Variants in KCNQ1 observed in about 807,000 individuals in gnomAD.
KCNQ1 encodes potassium voltage-gated channel subfamily KQT member 1.
In KCNQ1, 49 loss-of-function variants were observed where a neutral mutation model predicts 72.4. The observed-to-expected ratio is 0.68, with a 90% confidence interval of 0.54 to 0.86. The LOEUF (loss-of-function observed/expected upper bound fraction) is 0.86, where lower values mean the gene tolerates loss of function less well. Among genes scored for constraint, KCNQ1 ranks in the 40% least tolerant of loss-of-function variants. KCNQ1 has a pLI of 0.00. For missense variants in KCNQ1, 790 were observed against 945.1 expected, an observed-to-expected ratio of 0.84 and a Z score of 2.15; for synonymous variants, 450 against 412.6, an observed-to-expected ratio of 1.09 and a Z score of -1.10.
chr11:2,729,102 G>A (rs765395221), intron 11 of KCNQ1, among the ~76,000 whole-genome samples: 8 of 152,212 alleles, frequency 5.3e-5, no homozygotes, highest in African/African-American at 1.9e-4. Flanking sequence ...CACAAAGGGC[G>A]CTCGGGCCAG....
chr11:2,684,496 C>G (rs1036501233), intron 11 of KCNQ1: 2 of 398,562 alleles, frequency 5.0e-6, no homozygotes, highest in African/African-American at 2.1e-5. Context: ...AGTTCTCCTT[C>G]TATTCCTCCT....
rs1487702988 is a variant in KCNQ1, at chr11:2,508,456, T to TG, written c.387-19468dup. ...GCTCCCGAGGCCTGGCTGCTCTGCATGGGGAGGAGTGTGGGTCCTGAGTGG... is the reference window on the plus strand; with the variant it reads ...GCTCCCGAGGCCTGGCTGCTCTGCATGGGGGAGGAGTGTGGGTCCTGAGTGG... On this transcript the variant is annotated intron_variant, in intron 1 of 15. Coordinates refer to ENST00000155840, the MANE Select transcript of KCNQ1 (RefSeq NM_000218.3). The surrounding 1 kb of genome is among the most constrained non-coding windows in gnomAD (Gnocchi z 6.2). Among the ~76,000 whole-genome samples, 2 of 152,054 alleles carry TG rather than the reference T, an allele frequency of 1.3e-5. No homozygotes were observed. Among genetic ancestry groups the TG allele is most frequent in the East Asian group, 3.9e-4 (2 of 5,162 alleles).
intron 15 of KCNQ1, among the ~76,000 whole-genome samples, chr11:2,786,061 C>A (rs944258599): frequency 7.2e-5 from 11 of 151,934 alleles, no homozygotes; most frequent in Non-Finnish European, 1.6e-4. Context: ...TTTGTTATTT[C>A]TTTTTTATCT....
At chr11:2,639,180 A>C (rs1162093776) in intron 10 of KCNQ1, 1 of 151,946 alleles carries the variant, frequency 6.6e-6, no homozygotes, top group African/African-American at 2.4e-5. Context: ...TAGCTCGGAG[A>C]AGTTTGATTG....
At position 2,608,316 on chromosome 11, in the gene KCNQ1, C is replaced by T. The variant is rs1848914159; in HGVS notation, c.1393+19462C>T. On this transcript the variant is annotated intron_variant, in intron 10 of 15. Transcript: ENST00000155840. This position sits in a 1 kb window ranked among gnomAD's most constrained non-coding sequence, Gnocchi z 4.6. ...CTTATTACAGATCCATTCACATTTT[C>T]TACTTATTTCTTAGTCAGTTTTCAT... 5.0e-6 allele frequency: 2 copies of T among 398,266 alleles called. No individual in the cohort carries two copies. The highest frequency in any genetic ancestry group is 8.8e-6 in the Non-Finnish European group (2 of 226,002). The allele number at this position is 398,266 out of a possible 1,614,324, so 24.7% of individuals were successfully genotyped here.
chr11:2,449,773 G>T (rs1041725136), intron 1 of KCNQ1, among the ~76,000 whole-genome samples: 2 of 152,148 alleles, frequency 1.3e-5, no homozygotes, highest in African/African-American at 2.4e-5. Context: ...AAAGGCGTTG[G>T]GTGCCGAGAA....
intron 11 of KCNQ1, among the ~76,000 whole-genome samples, chr11:2,761,834 G>A (rs1010657958): frequency 2.0e-5 from 3 of 152,356 alleles, no homozygotes; most frequent in East Asian, 1.9e-4. Flanking sequence ...TTGCAGTCCC[G>A]GCCGGCTGTT....
chr11:2,652,229 AG>A lies in KCNQ1; in HGVS notation c.1394-9730del. 1 of 398,626 alleles carries A rather than the reference AG, an allele frequency of 2.5e-6. No homozygotes were observed. 24.7% of individuals were successfully genotyped at this position (398,626 alleles called of 1,614,324 possible). On this transcript the variant is annotated intron_variant, in intron 10 of 15. Transcript: ENST00000155840. This position sits in a 1 kb window ranked among gnomAD's most constrained non-coding sequence, Gnocchi z 5.9. ...GGCCTGGAGCCGGATGCTGAGAATG[AG>A]GCCTGCAACTCATTTCCCCATTAAA...
chr11:2,751,466 C>CCT (rs926993838), intron 11 of KCNQ1, among the ~76,000 whole-genome samples: 5 of 152,362 alleles, frequency 3.3e-5, no homozygotes, highest in African/African-American at 1.2e-4. Context: ...CCCAGGAAAC[C>CCT]CTCTCTCCTG....
At chr11:2,699,882 G>A (rs1456607234) in intron 11 of KCNQ1, 2 of 398,270 alleles carry the variant, frequency 5.0e-6, no homozygotes, top group Non-Finnish European at 8.9e-6. Context: ...AGGAGCCCCG[G>A]GGAGGACCAC....
rs148405336 is a variant in KCNQ1, at chr11:2,613,832, AG to A, written c.1393+24979del. 2.5e-3 allele frequency: 996 copies of A among 398,512 alleles called. 9 individuals are homozygous for A. Among genetic ancestry groups the A allele is most frequent in the African/African-American group, 0.019 (933 of 48,734 alleles). 24.7% of individuals were successfully genotyped at this position (398,512 alleles called of 1,614,324 possible). A position where few individuals can be genotyped will look rare whatever the true frequency, so the allele number is the denominator to read the frequency against. The stretch of plus-strand genomic sequence containing the variant: ...CTACCCATTATAGGTAACCAGTTTC[AG>A]TGTTTTCTAGTTTATAGTTTGTGTG... On this transcript the variant is annotated intron_variant, in intron 10 of 15. Transcript: ENST00000155840. The surrounding 1 kb of genome is among the most constrained non-coding windows in gnomAD (Gnocchi z 4.8).
chr11:2,622,566 G>A (rs1849192057), intron 10 of KCNQ1: 1 of 398,314 alleles, frequency 2.5e-6, no homozygotes, highest in South Asian at 1.3e-4. Context: ...TAAAAAAGAA[G>A]TTCTGACATT....
chr11:2,677,888 C>G lies in KCNQ1; in HGVS notation c.1514+15807C>G, dbSNP rs932082985. The stretch of plus-strand genomic sequence containing the variant: ...ACTGCACAAATGCACTTTCTTCCCC[C>G]ACCCTTACCAAGTGTATACTCAGGT... On this transcript the variant is annotated intron_variant, in intron 11 of 15. Transcript: ENST00000155840. This position sits in a 1 kb window ranked among gnomAD's most constrained non-coding sequence, Gnocchi z 4.5. 15 of 398,438 alleles carry G rather than the reference C, an allele frequency of 3.8e-5. No individual in the cohort carries two copies. Among genetic ancestry groups the G allele is most frequent in the South Asian group, 1.3e-4 (1 of 7,858 alleles). The allele number at this position is 398,438 out of a possible 1,614,324, so 24.7% of individuals were successfully genotyped here. A position where few individuals can be genotyped will look rare whatever the true frequency, so the allele number is the denominator to read the frequency against.
In KCNQ1 at chr11:2,492,061, C is replaced by T. The variant is rs1216259054; in HGVS notation, c.387-35867C>T. On this transcript the variant is annotated intron_variant, in intron 1 of 15. Transcript: ENST00000155840. This position sits in a 1 kb window ranked among gnomAD's most constrained non-coding sequence, Gnocchi z 4.1. ...AGGATGTCATCAACACCAGAGCTGT[C>T]TTACAAGAAATGCTAAAGGGAATTC... is the stretch of plus-strand genomic sequence containing the variant. Among the ~76,000 whole-genome samples the T allele has an allele frequency of 1.3e-5, 2 of 152,186 alleles. No homozygotes were observed. Among genetic ancestry groups the T allele is most frequent in the African/African-American group, 4.8e-5 (2 of 41,438 alleles).
intron 10 of KCNQ1, chr11:2,632,279 G>C: frequency 2.5e-6 from 1 of 397,910 alleles, no homozygotes; most frequent in East Asian, 3.6e-5. Flanking sequence ...TTTTTGTGGT[G>C]AGTTTTCAGG....
chr11:2,534,007 C>T (rs1264319074), intron 2 of KCNQ1, among the ~76,000 whole-genome samples: 1 of 152,202 alleles, frequency 6.6e-6, no homozygotes, highest in East Asian at 1.9e-4. Context: ...GAGGCTCCCT[C>T]CGCCCCGCCC....
In KCNQ1 at chr11:2,549,483, G is replaced by A. The variant is rs973771270; in HGVS notation, c.478-21145G>A. ...GGAACCCAGAAGACATGGGGCCCTC[G>A]AGGAGGGTCCCCCGGGGGCTGCAAA... On this transcript the variant is annotated intron_variant, in intron 2 of 15. Transcript: ENST00000155840. This position sits in a 1 kb window ranked among gnomAD's most constrained non-coding sequence, Gnocchi z 6.2. Among the ~76,000 whole-genome samples, 2 of 152,190 alleles carry A rather than the reference G, an allele frequency of 1.3e-5. No individual in the cohort carries two copies. Among genetic ancestry groups the A allele is most frequent in the Admixed American group, 6.5e-5 (1 of 15,292 alleles).
In KCNQ1 at chr11:2,642,702, TTA is replaced by T; in HGVS notation, c.1394-19257_1394-19256del. On this transcript the variant is annotated intron_variant, in intron 10 of 15. Coordinates refer to ENST00000155840, the MANE Select transcript of KCNQ1 (RefSeq NM_000218.3). This position sits in a 1 kb window ranked among gnomAD's most constrained non-coding sequence, Gnocchi z 4.3. Reference sequence around the variant, plus strand: ...CGTTATTTCTTTCCTTCTACTAATTTTATGTTTAGTATGGTTTGTTCTTGCTT... The same window carrying T: ...CGTTATTTCTTTCCTTCTACTAATTTTGTTTAGTATGGTTTGTTCTTGCTT... 2.5e-6 allele frequency: 1 copy of T among 397,944 alleles called. No homozygotes were observed. Among genetic ancestry groups the T allele is most frequent in the Non-Finnish European group, 4.4e-6 (1 of 225,698 alleles). The allele number at this position is 397,944 out of a possible 1,614,324, so 24.7% of individuals were successfully genotyped here. A position where few individuals can be genotyped will look rare whatever the true frequency, so the allele number is the denominator to read the frequency against.
chr11:2,662,117 AG>A lies in KCNQ1; in HGVS notation c.1514+40del, dbSNP rs766768278. The stretch of plus-strand genomic sequence containing the variant: ...ACATGTGCGTGAAGGGCTGGGCTGG[AG>A]GGGACTGGAGCTCAAGGAGTCAGAC... On this transcript the variant is annotated intron_variant, in intron 11 of 15. Transcript: ENST00000155840. 6.8e-6 allele frequency: 11 copies of A among 1,613,610 alleles called. No homozygotes were observed. In the East Asian group the frequency reaches 2.5e-4, roughly 36 times the overall value.
Sources: allele counts gnomAD v4.1 joint callset (sites outside exome capture counted in the v4.1 genomes callset), GRCh38; gene constraint gnomAD v4.1.1; non-coding constraint Gnocchi (gnomAD v3.1); transcripts MANE v1.5; gene names NCBI Gene and HGNC (gene_info 2026-07-23, HGNC 2026-07-21).